The following CABCOCO1 variants were observed in gnomAD, a reference collection of about 807,000 sequenced individuals.
CABCOCO1 encodes ciliary-associated calcium-binding coiled-coil protein 1.
Under a neutral mutation model 35.7 loss-of-function variants are expected in CABCOCO1, and 28 were observed. The ratio of observed to expected loss-of-function variants is 0.78; its 90% CI spans 0.58 to 1.07. The LOEUF is 1.07. CABCOCO1 is among the 50% of genes least tolerant of loss of function. The probability of loss-of-function intolerance (pLI) is 0.00; values close to 1 mark genes in which losing one functional copy is unlikely to be tolerated. For missense variants in CABCOCO1, 326 were observed against 309.2 expected (o/e 1.05, Z -0.41); for synonymous variants, 95 against 100.1 (o/e 0.95, Z 0.30).
At chr10:61,720,975 A>T (rs1353681599) in intron 5 of CABCOCO1, among the ~76,000 whole-genome samples, 4 of 113,234 alleles carry the variant, frequency 3.5e-5, no homozygotes, top group African/African-American at 1.4e-4. Context: ...CCCAGGCTGG[A>T]GTGCGGTGGC....
At chr10:61,703,612 A>C (rs1310282766) in intron 5 of CABCOCO1, among the ~76,000 whole-genome samples, 1 of 152,062 alleles carries the variant, frequency 6.6e-6, no homozygotes, top group Non-Finnish European at 1.5e-5. Context: ...CCTCCTGTAG[A>C]CCACCATTGA....
chr10:61,716,316 C>T (rs1307039894), intron 5 of CABCOCO1, among the ~76,000 whole-genome samples: 3 of 152,238 alleles, frequency 2.0e-5, no homozygotes, highest in East Asian at 3.9e-4. Flanking sequence ...GCTGCCAGTC[C>T]TCTTAGAAGT....
intron 1 of CABCOCO1, among the ~76,000 whole-genome samples, chr10:61,668,382 G>C (rs748396893): frequency 2.0e-5 from 3 of 151,910 alleles, no homozygotes; most frequent in Non-Finnish European, 2.9e-5. Flanking sequence ...TCTATAGTCT[G>C]TAAATATTAG....
chr10:61,757,520 A>G (rs1245090008), intron 5 of CABCOCO1, among the ~76,000 whole-genome samples: 2 of 152,054 alleles, frequency 1.3e-5, no homozygotes, highest in Non-Finnish European at 2.9e-5. Context: ...GTTTTTGTGC[A>G]CCAATTAAAT....
Position 61,765,439 on chromosome 10 carries a change from A to C in CABCOCO1, c.817-500A>C, listed in dbSNP as rs111312142. On this transcript the variant is annotated intron_variant, in intron 7 of 7. Transcript: ENST00000648843. The stretch of plus-strand genomic sequence containing the variant: ...GGCATCATTCCAAGAGTTCTAATGT[A>C]TGATGAATACTCTTAATTATGGGAG... 6.4e-3 allele frequency among the ~76,000 whole-genome samples: 972 copies of C among 152,346 alleles called. 8 individuals are homozygous for C. The highest frequency in any genetic ancestry group is 0.021 in the African/African-American group (866 of 41,582).
chr10:61,727,194 G>GA (rs745825121), intron 5 of CABCOCO1, among the ~76,000 whole-genome samples: 35 of 152,148 alleles, frequency 2.3e-4, no homozygotes, highest in Admixed American at 1.6e-3. Flanking sequence ...TTAACACAGG[G>GA]AAGTACTCAG....
At chr10:61,738,227 C>T (rs751555219) in intron 5 of CABCOCO1, among the ~76,000 whole-genome samples, 20 of 152,036 alleles carry the variant, frequency 1.3e-4, no homozygotes, top group Admixed American at 4.6e-4. Context: ...TGCCAGCATA[C>T]GTTCATCTAC....
chr10:61,753,309 A>G (rs1841831405), intron 5 of CABCOCO1, among the ~76,000 whole-genome samples: 1 of 152,152 alleles, frequency 6.6e-6, no homozygotes, highest in African/African-American at 2.4e-5. Context: ...CCTTGAACCT[A>G]GTAAGCTAAA....
intron 5 of CABCOCO1, among the ~76,000 whole-genome samples, chr10:61,737,374 T>C (rs1205418796): frequency 1.3e-5 from 2 of 152,146 alleles, no homozygotes; most frequent in Admixed American, 1.3e-4. Context: ...AGTTCAATCA[T>C]TGTGGAAAGC....
At chr10:61,672,147 A>C (rs907704490) in intron 1 of CABCOCO1, among the ~76,000 whole-genome samples, 3 of 152,200 alleles carry the variant, frequency 2.0e-5, no homozygotes, top group African/African-American at 7.2e-5. Flanking sequence ...TCCAAAGCCT[A>C]TTCCTGGAAC....
At chr10:61,729,999 T>C (rs901891808) in intron 5 of CABCOCO1, among the ~76,000 whole-genome samples, 1 of 152,100 alleles carries the variant, frequency 6.6e-6, no homozygotes, top group African/African-American at 2.4e-5. Flanking sequence ...AGAGATCTCC[T>C]GCGCAACATT....
intron 5 of CABCOCO1, among the ~76,000 whole-genome samples, chr10:61,726,645 G>T (rs892188668): frequency 1.3e-5 from 2 of 151,564 alleles, no homozygotes; most frequent in African/African-American, 4.8e-5. Context: ...TTGTAAGAGG[G>T]GTTACTTTGT....
chr10:61,703,227 G>GACACACACACAC (rs35152499), intron 5 of CABCOCO1, among the ~76,000 whole-genome samples: 25 of 141,588 alleles, frequency 1.8e-4, no homozygotes, highest in Non-Finnish European at 7.7e-5. Context: ...CTTGTGAGGA[G>GACACACACACAC]ACACACACAC....
At chr10:61,705,134 G>C (rs1404143388) in intron 5 of CABCOCO1, among the ~76,000 whole-genome samples, 1 of 152,182 alleles carries the variant, frequency 6.6e-6, no homozygotes, top group African/African-American at 2.4e-5. Flanking sequence ...TAAGTCTTTT[G>C]TGAGCAAGAC....
intron 5 of CABCOCO1, among the ~76,000 whole-genome samples, chr10:61,725,431 A>T (rs2132046654): frequency 6.6e-6 from 1 of 152,332 alleles, no homozygotes; most frequent in Non-Finnish European, 1.5e-5. Flanking sequence ...ATGCAGCCAT[A>T]AAAAAGGATG....
Position 61,686,078 on chromosome 10 carries a change from TG to T in CABCOCO1, c.374del (p.Gly125GlufsTer7). 6.2e-7 allele frequency: 1 copy of T among 1,607,860 alleles called. No homozygotes were observed. ...MSLEESIKWL[G>X]EVMAEIGPTH... is the part of the protein sequence containing the mutation. ...CCTTAGAGGAAAGCATAAAATGGCT[TG>T]GAGAAGTTATGGCTGAAATAGGACC... On this transcript the variant is annotated frameshift_variant, in exon 4 of 8. Coordinates refer to ENST00000648843, the MANE Select transcript of CABCOCO1 (RefSeq NM_001366906.2). LOFTEE classifies it high-confidence loss of function.
At chr10:61,680,319 T>A (rs116759008) in intron 2 of CABCOCO1, among the ~76,000 whole-genome samples, 76,901 of 136,990 alleles carry the variant, frequency 0.56, 23,322 homozygotes, top group Middle Eastern at 0.71. Context: ...TCAAAAAAAA[T>A]ATATATATAT....
At chr10:61,757,056 A>G (rs909389463) in intron 5 of CABCOCO1, among the ~76,000 whole-genome samples, 2 of 151,976 alleles carry the variant, frequency 1.3e-5, no homozygotes, top group African/African-American at 2.4e-5. Context: ...CTGTTTTTAA[A>G]TAGATTTTAT....
chr10:61,703,145 G>A (rs1000987685), intron 5 of CABCOCO1, among the ~76,000 whole-genome samples: 1 of 151,812 alleles, frequency 6.6e-6, no homozygotes, highest in African/African-American at 2.4e-5. Flanking sequence ...TTAGATGGGA[G>A]ATGCAACCTA....
Sources: gnomAD v4.1 joint callset for allele counts (sites outside exome capture counted in the v4.1 genomes callset) on GRCh38, gnomAD v4.1.1 for gene constraint, MANE v1.5 for transcripts, NCBI Gene and HGNC (gene_info 2026-07-23, HGNC 2026-07-21) for gene names.